Variants in PSD3 observed in about 807,000 individuals in gnomAD.
PSD3 encodes PH and SEC7 domain-containing protein 3.
PSD3 carries 49 observed loss-of-function variants against 105.5 expected under a neutral mutation model. That is an observed-to-expected ratio of 0.46 (90% CI 0.37 to 0.59). The LOEUF (loss-of-function observed/expected upper bound fraction) is 0.59. Among genes scored for constraint, PSD3 ranks in the 20% least tolerant of loss-of-function variants. PSD3 has a pLI of 0.00. For synonymous variants in PSD3, 557 were observed against 457.8 expected, an observed-to-expected ratio of 1.22 and a Z score of -2.77; for missense variants, 1,561 against 1,263.8, an observed-to-expected ratio of 1.24 and a Z score of -3.57.
chr8:18,768,116 CAA>C (rs774203727), intron 8 of PSD3, among the ~76,000 whole-genome samples: 85 of 97,342 alleles, frequency 8.7e-4, no homozygotes, highest in East Asian at 3.1e-3. Flanking sequence ...ACTGAAAATA[CAA>C]AAAAAAAAAA....
At chr8:18,649,336 C>A (rs192489833) in intron 10 of PSD3, among the ~76,000 whole-genome samples, 94 of 152,292 alleles carry the variant, frequency 6.2e-4, no homozygotes, top group Non-Finnish European at 1.1e-3. Context: ...GGAGTCAAAG[C>A]AGGTTATTAT....
chr8:18,981,521 C>T (rs1410892330), intron 1 of PSD3, among the ~76,000 whole-genome samples: 1 of 152,132 alleles, frequency 6.6e-6, no homozygotes, highest in Non-Finnish European at 1.5e-5. Flanking sequence ...AGTAAGCTAG[C>T]ACTTGAAAAG....
intron 15 of PSD3, among the ~76,000 whole-genome samples, chr8:18,548,937 C>G (rs546761847): frequency 6.6e-6 from 1 of 152,274 alleles, no homozygotes; most frequent in Non-Finnish European, 1.5e-5. Flanking sequence ...AACCACTCAG[C>G]TGTGCTGGTT....
intron 1 of PSD3, among the ~76,000 whole-genome samples, chr8:19,059,235 G>T (rs1206311204): frequency 6.6e-6 from 1 of 152,212 alleles, no homozygotes; most frequent in East Asian, 1.9e-4. Flanking sequence ...AATCAAACCA[G>T]GAAATGGTGC....
chr8:18,696,062 A>C (rs951424580), intron 9 of PSD3, among the ~76,000 whole-genome samples: 2 of 152,170 alleles, frequency 1.3e-5, no homozygotes, highest in Non-Finnish European at 2.9e-5. Flanking sequence ...CCCTGAGATG[A>C]AAAAAGGTGC....
chr8:18,865,280 A>T (rs372833549), intron 4 of PSD3: 1,170 of 3,610 alleles, frequency 0.32, 219 homozygotes, highest in East Asian at 0.59. Flanking sequence ...ATATATATAT[A>T]TATATATTTT....
At chr8:18,629,535 T>G (rs56114105) in intron 11 of PSD3, among the ~76,000 whole-genome samples, 50 of 152,020 alleles carry the variant, frequency 3.3e-4, no homozygotes, top group African/African-American at 1.2e-3. Context: ...AGAGAAACTA[T>G]TAATTCACAC....
At chr8:18,766,233 T>G (rs1585892505) in intron 8 of PSD3, among the ~76,000 whole-genome samples, 1 of 149,106 alleles carries the variant, frequency 6.7e-6, no homozygotes, top group South Asian at 2.1e-4. Flanking sequence ...ACTCGGGAGG[T>G]TGAGGCATGA....
chr8:18,897,864 C>G (rs529879030), intron 2 of PSD3, among the ~76,000 whole-genome samples: 27 of 152,228 alleles, frequency 1.8e-4, no homozygotes, highest in African/African-American at 6.0e-4. Flanking sequence ...TATCCTGCAA[C>G]TTTACTGAAT....
intron 2 of PSD3, among the ~76,000 whole-genome samples, chr8:18,915,129 G>A (rs149999271): frequency 2.0e-5 from 3 of 152,006 alleles, no homozygotes; most frequent in Admixed American, 6.6e-5. Flanking sequence ...CTGGGAAAAC[G>A]GAATATCCAC....
chr8:19,013,695 G>C lies in PSD3; in HGVS notation c.-112C>G, dbSNP rs967734487. ...GCCGCGTGCTCTTTGTTGAGCTCCC[G>C]GGACTGCCGAGAGGCGGCGGCCCGC... On this transcript the variant is annotated 5_prime_UTR_variant, in exon 1 of 16. Coordinates refer to ENST00000327040, the MANE Select transcript of PSD3 (RefSeq NM_015310.4). The C allele has an allele frequency of 6.1e-6, 6 of 987,488 alleles. No homozygotes were observed. Among genetic ancestry groups the C allele is most frequent in the Non-Finnish European group, 7.6e-6 (6 of 785,514 alleles). The allele number at this position is 987,488 out of a possible 1,614,324, so 61.2% of individuals were successfully genotyped here.
chr8:19,013,502 C>T (rs1007730248), intron 1 of PSD3, 61 bp downstream of exon 1: 4 of 1,578,976 alleles, frequency 2.5e-6, no homozygotes, highest in Admixed American at 3.4e-5. Context: ...AACACAAACC[C>T]CACGTCGAAC....
chr8:19,043,885 A>G (rs1480631517), intron 1 of PSD3, among the ~76,000 whole-genome samples: 1 of 152,228 alleles, frequency 6.6e-6, no homozygotes, highest in Non-Finnish European at 1.5e-5. Context: ...ATAGCAGCAC[A>G]AAATAGACTA....
chr8:19,015,297 C>T (rs1468293351), upstream of PSD3, among the ~76,000 whole-genome samples: 1 of 152,158 alleles, frequency 6.6e-6, no homozygotes, highest in African/African-American at 2.4e-5. Flanking sequence ...GTGAGGCCTC[C>T]CAACCATGTG....
intron 14 of PSD3, among the ~76,000 whole-genome samples, chr8:18,564,097 A>G (rs985857725): frequency 7.3e-6 from 1 of 137,516 alleles, no homozygotes; most frequent in Admixed American, 7.5e-5. Context: ...GAAAAAATTT[A>G]AAGTTTTCTT....
At chr8:18,722,050 T>C (rs1281082396) in intron 9 of PSD3, among the ~76,000 whole-genome samples, 1 of 152,008 alleles carries the variant, frequency 6.6e-6, no homozygotes, top group Non-Finnish European at 1.5e-5. Context: ...ATACAGACTA[T>C]GATTGTTGAG....
intron 15 of PSD3, among the ~76,000 whole-genome samples, chr8:18,553,076 C>T (rs191054366): frequency 1.6e-3 from 244 of 152,294 alleles, no homozygotes; most frequent in Middle Eastern, 3.4e-3. Context: ...GTACTCAAAG[C>T]AACCTGGGAT....
At chr8:18,681,343 G>A (rs895087212) in intron 9 of PSD3, among the ~76,000 whole-genome samples, 3 of 151,330 alleles carry the variant, frequency 2.0e-5, no homozygotes, top group Non-Finnish European at 4.4e-5. Context: ...GCAGTAGCTC[G>A]TGCCTATCAT....
At chr8:18,580,051 A>T (rs1046816892) in intron 12 of PSD3, among the ~76,000 whole-genome samples, 5 of 152,208 alleles carry the variant, frequency 3.3e-5, no homozygotes, top group African/African-American at 1.2e-4. Context: ...CTGGCATTAA[A>T]AATGTTTTTT....
Sources: gnomAD v4.1 joint callset for allele counts (sites outside exome capture counted in the v4.1 genomes callset) on GRCh38, gnomAD v4.1.1 for gene constraint, MANE v1.5 for transcripts, NCBI Gene and HGNC (gene_info 2026-07-23, HGNC 2026-07-21) for gene names.